The following TLN2 variants were observed in gnomAD, a reference collection of about 807,000 sequenced individuals.
TLN2 encodes the protein talin-2.
A neutral mutation model predicts 294.7 loss-of-function variants in TLN2; 118 were observed. The observed-to-expected ratio is 0.40, with a 90% CI of 0.34 to 0.47. TLN2 has a LOEUF of 0.47. Ranked by LOEUF, TLN2 falls within the 20% of genes least tolerant of loss-of-function variation. The pLI is 0.84. For synonymous variants in TLN2, 1,431 were observed against 1,304.5 expected (o/e 1.10, Z -2.09); for missense variants, 3,083 against 3,282.2 (o/e 0.94, Z 1.48).
chr15:62,673,310 C>CTTTTTTTTTTTTTTTTTTTTTTTTT lies in TLN2; in HGVS notation c.789-499_789-498insTTTTTTTTTTTTTTTTTTTTTTTTT, dbSNP rs56258541. Among the ~76,000 whole-genome samples, 15 of 42,898 alleles carry CTTTTTTTTTTTTTTTTTTTTTTTTT rather than the reference C, an allele frequency of 3.5e-4. 2 individuals are homozygous for CTTTTTTTTTTTTTTTTTTTTTTTTT. The highest frequency in any genetic ancestry group is 8.9e-4 in the African/African-American group (12 of 13,438). The allele number at this position is 42,898 out of a possible 152,430, so 28.1% of individuals were successfully genotyped here. The stretch of plus-strand genomic sequence containing the variant: ...GTTTGCTTTAGATTTTTAGATGTTG[C>CTTTTTTTTTTTTTTTTTTTTTTTTT]TTTTTTTTTTTTTTTTTTGCAATTT... On this transcript the variant is annotated intron_variant, in intron 9 of 58. Transcript: ENST00000636159.
At chr15:62,644,094 G>A (rs2051511532) in intron 3 of TLN2, among the ~76,000 whole-genome samples, 1 of 151,968 alleles carries the variant, frequency 6.6e-6, no homozygotes, top group Non-Finnish European at 1.5e-5. Context: ...TATACCTGCT[G>A]GGCCACCCCT....
chr15:62,660,297 T>C (rs1270850572), intron 9 of TLN2, among the ~76,000 whole-genome samples: 1 of 152,234 alleles, frequency 6.6e-6, no homozygotes, highest in Non-Finnish European at 1.5e-5. Context: ...GTTACTTTAG[T>C]GAAGGTACTC....
intron 54 of TLN2, among the ~76,000 whole-genome samples, chr15:62,821,568 AAC>A (rs1319180705): frequency 1.3e-5 from 2 of 152,238 alleles, no homozygotes; most frequent in African/African-American, 4.8e-5. Flanking sequence ...GTATGAAATA[AAC>A]ACAGACTGAG....
intron 1 of TLN2, among the ~76,000 whole-genome samples, chr15:62,549,705 T>C (rs2140550206): frequency 6.6e-6 from 1 of 152,342 alleles, no homozygotes; most frequent in Non-Finnish European, 1.5e-5. Context: ...GTGGTTTCTC[T>C]CAACCGGAGG....
chr15:62,510,786 ACT>A (rs1439596504), intron 1 of TLN2, among the ~76,000 whole-genome samples: 14 of 152,142 alleles, frequency 9.2e-5, no homozygotes, highest in African/African-American at 3.4e-4. Flanking sequence ...CCTTGGAATG[ACT>A]CTCTGAGAAT....
intron 32 of TLN2, among the ~76,000 whole-genome samples, chr15:62,747,442 A>T (rs1320819637): frequency 6.6e-6 from 1 of 152,138 alleles, no homozygotes; most frequent in Non-Finnish European, 1.5e-5. Context: ...AATTTAATGG[A>T]AGGAAGAAAT....
At chr15:62,394,961 C>T (rs1260100802) in intron 1 of TLN2, among the ~76,000 whole-genome samples, 1 of 152,112 alleles carries the variant, frequency 6.6e-6, no homozygotes, top group Non-Finnish European at 1.5e-5. Flanking sequence ...TTCTCTTAAT[C>T]AACAATTTAA....
intron 45 of TLN2, 194 bp downstream of exon 45, chr15:62,784,084 A>C: frequency 2.2e-6 from 2 of 926,998 alleles, no homozygotes; most frequent in Non-Finnish European, 3.1e-6. Flanking sequence ...ACTGCCCCTT[A>C]TGGGGCAGAC....
intron 1 of TLN2, among the ~76,000 whole-genome samples, chr15:62,570,318 T>C (rs558402421): frequency 1.3e-5 from 2 of 152,324 alleles, no homozygotes; most frequent in South Asian, 2.1e-4. Flanking sequence ...GAGGGAATAA[T>C]CTTTGGTAAA....
intron 54 of TLN2, 57 bp from the exon 55 acceptor site, chr15:62,833,447 A>G: frequency 6.3e-7 from 1 of 1,587,392 alleles, no homozygotes; most frequent in Non-Finnish European, 8.6e-7. Flanking sequence ...GTAGTTTGGA[A>G]GAAAGAGCCC....
At position 62,805,711 on chromosome 15, in the gene TLN2, T is replaced by G; in HGVS notation, c.6589T>G (p.Cys2197Gly). 1 of 1,614,194 alleles carries G rather than the reference T, an allele frequency of 6.2e-7. No homozygotes were observed. Among genetic ancestry groups the G allele is most frequent in the Non-Finnish European group, 8.5e-7 (1 of 1,180,034 alleles). ...TAKAVAAGNS[C>G]RQEDVIATAN... is the part of the protein sequence containing the mutation. ...CAAAGCCGTGGCAGCTGGGAACTCA[T>G]GTAGACAGGAGGACGTGATTGCTAC... Residue 2197 changes from cysteine to glycine, a missense_variant, in exon 51 of 59, where the codon TGT (cysteine) becomes GGT (glycine). Cys to Gly is a radical substitution (Grantham distance 159). Coordinates refer to ENST00000636159, the MANE Select transcript of TLN2 (RefSeq NM_015059.3).
chr15:62,611,759 A>T (rs9920670), intron 2 of TLN2, among the ~76,000 whole-genome samples: 5 of 151,960 alleles, frequency 3.3e-5, no homozygotes, highest in African/African-American at 7.2e-5. Flanking sequence ...CCAGAGCCAC[A>T]TTGGGTTCCC....
chr15:62,820,721 G>A (rs1413676411), intron 54 of TLN2, 111 bp downstream of exon 54: 1 of 1,407,824 alleles, frequency 7.1e-7, no homozygotes, highest in Non-Finnish European at 9.5e-7. Context: ...CTTATGGTCA[G>A]ACTAGCAAGC....
intron 1 of TLN2, among the ~76,000 whole-genome samples, chr15:62,403,492 C>T (rs984718472): frequency 6.6e-6 from 1 of 152,176 alleles, no homozygotes; most frequent in Non-Finnish European, 1.5e-5. Flanking sequence ...CTTGGCCTCC[C>T]GAAGTGTTGG....
At chr15:62,404,387 G>A (rs969767380) in intron 1 of TLN2, among the ~76,000 whole-genome samples, 26 of 152,124 alleles carry the variant, frequency 1.7e-4, no homozygotes. Flanking sequence ...GGACCTTAAT[G>A]TTCTGGTGAC....
rs1007131499 is a variant in TLN2, at chr15:62,748,334, T to A, written c.4026-17T>A. The A allele has an allele frequency of 2.5e-5, 39 of 1,534,270 alleles. No individual in the cohort carries two copies. Among genetic ancestry groups the A allele is most frequent in the Non-Finnish European group, 3.2e-5 (36 of 1,128,644 alleles). ...TTGATCTTCAAAAAAAAAAAAAAAATTCTGTTTCTGTCACAGAGCTGTGAC... is the reference window on the plus strand; with the variant it reads ...TTGATCTTCAAAAAAAAAAAAAAAAATCTGTTTCTGTCACAGAGCTGTGAC... On this transcript the variant is annotated splice_polypyrimidine_tract_variant and intron_variant, in intron 32 of 58. Transcript: ENST00000636159.
chr15:62,724,968 G>T lies in TLN2; in HGVS notation c.3127-8G>T. On this transcript the variant is annotated splice_polypyrimidine_tract_variant and splice_region_variant and intron_variant, in intron 26 of 58. Coordinates refer to ENST00000636159, the MANE Select transcript of TLN2 (RefSeq NM_015059.3). ...ACTGGGTATACATATTTCCAACTCT[G>T]TTGGCAGGCCCATGAAGCTTGTGGT... is the stretch of plus-strand genomic sequence containing the variant. The T allele has an allele frequency of 6.2e-7, 1 of 1,608,122 alleles. No individual in the cohort carries two copies. The highest frequency in any genetic ancestry group is 1.1e-5 in the South Asian group (1 of 89,974).
intron 1 of TLN2, among the ~76,000 whole-genome samples, chr15:62,516,740 C>T (rs865910521): frequency 1.3e-5 from 2 of 152,220 alleles, no homozygotes; most frequent in Non-Finnish European, 2.9e-5. Context: ...ATCAATCATA[C>T]CACGACTCAT....
At position 62,840,826 on chromosome 15, in the gene TLN2, C is replaced by T. The variant is rs1047755455; in HGVS notation, c.*216C>T. ...AATGTCCTACCCACAACTCCTCTGC[C>T]GCCTCCCCTCATGCCTCACCGTGTC... On this transcript the variant is annotated 3_prime_UTR_variant, in exon 59 of 59. Transcript: ENST00000636159. 51 of 559,644 alleles carry T rather than the reference C, an allele frequency of 9.1e-5. No individual in the cohort carries two copies. The highest frequency in any genetic ancestry group is 1.5e-4 in the South Asian group (5 of 33,818). The allele number at this position is 559,644 out of a possible 1,614,324, so 34.7% of individuals were successfully genotyped here. A position where few individuals can be genotyped will look rare whatever the true frequency, so the allele number is the denominator to read the frequency against.
Sources: gnomAD v4.1 joint callset for allele counts (sites outside exome capture counted in the v4.1 genomes callset) on GRCh38, gnomAD v4.1.1 for gene constraint, MANE v1.5 for transcripts, NCBI Gene and HGNC (gene_info 2026-07-23, HGNC 2026-07-21) for gene names.